Variants in ABCB10 observed in about 807,000 individuals in gnomAD.
The protein encoded by ABCB10 is ATP-binding cassette sub-family B member 10, mitochondrial.
Under a neutral mutation model 65.4 loss-of-function variants are expected in ABCB10, and 54 were observed. The ratio of observed to expected loss-of-function variants is 0.83; its 90% CI spans 0.66 to 1.04. The LOEUF (loss-of-function observed/expected upper bound fraction) is 1.04. ABCB10 is among the 50% of genes least tolerant of loss of function. The pLI is 0.00. For synonymous variants in ABCB10, 418 were observed against 406.5 expected, an observed-to-expected ratio of 1.03 and a Z score of -0.34; for missense variants, 846 against 976.6, an observed-to-expected ratio of 0.87 and a Z score of 1.78.
intron 7 of ABCB10, 92 bp from the exon 8 acceptor site, chr1:229,530,500 G>A (rs1662558090): frequency 1.5e-6 from 2 of 1,332,036 alleles, no homozygotes; most frequent in African/African-American, 1.4e-5. Flanking sequence ...CTATGGATGG[G>A]TGACTCCACC....
intron 6 of ABCB10, among the ~76,000 whole-genome samples, chr1:229,534,827 G>A (rs571556879): frequency 7.2e-4 from 99 of 136,968 alleles, no homozygotes; most frequent in African/African-American, 1.0e-3. Context: ...AGCCAAGACC[G>A]CGCCACTGCA....
At chr1:229,555,627 T>C (rs1256065436) in intron 1 of ABCB10, among the ~76,000 whole-genome samples, 1 of 152,234 alleles carries the variant, frequency 6.6e-6, no homozygotes, top group East Asian at 1.9e-4. Flanking sequence ...TATTAAAATA[T>C]AAAGCTGCAT....
At chr1:229,531,958 T>G (rs1354064567) in intron 6 of ABCB10, 7 of 379,418 alleles carry the variant, frequency 1.8e-5, no homozygotes, top group South Asian at 9.2e-5. Context: ...TTTTTTTTTT[T>G]TTTTTTTTTT....
intron 8 of ABCB10, among the ~76,000 whole-genome samples, chr1:229,528,005 A>G (rs951340977): frequency 6.6e-6 from 1 of 152,248 alleles, no homozygotes; most frequent in African/African-American, 2.4e-5. Context: ...ATCAGACGCT[A>G]TCTTTATGAC....
intron 10 of ABCB10, 37 bp from the exon 11 acceptor site, chr1:229,521,672 C>T: frequency 6.2e-7 from 1 of 1,607,156 alleles, no homozygotes; most frequent in Non-Finnish European, 8.5e-7. Context: ...AAGGCCTCAA[C>T]AAAAAATCTT....
intron 11 of ABCB10, among the ~76,000 whole-genome samples, chr1:229,520,360 C>T (rs548014942): frequency 6.6e-6 from 1 of 151,624 alleles, no homozygotes; most frequent in Non-Finnish European, 1.5e-5. Flanking sequence ...ATCCCAGCTA[C>T]TTGGGAGGCT....
intron 8 of ABCB10, 26 bp downstream of exon 8, chr1:229,530,173 G>C: frequency 6.2e-7 from 1 of 1,611,172 alleles, no homozygotes; most frequent in Non-Finnish European, 8.5e-7. Flanking sequence ...GAGTCCCTCG[G>C]TGCTACAGTG....
intron 1 of ABCB10, among the ~76,000 whole-genome samples, chr1:229,557,413 TAGA>T (rs1349540696): frequency 5.3e-5 from 8 of 152,216 alleles, no homozygotes; most frequent in African/African-American, 1.9e-4. Flanking sequence ...CAGATGTTTA[TAGA>T]AGGAGTGAAG....
rs375446207 is a variant in ABCB10 at position 229,525,921 on chromosome 1, A to T, written c.1906+15T>A. 8.8e-6 allele frequency: 14 copies of T among 1,597,544 alleles called. No individual in the cohort carries two copies. Among genetic ancestry groups the T allele is most frequent in the Non-Finnish European group, 1.2e-5 (14 of 1,172,852 alleles). ...GGATATAGAGACTTTGCTACAAAGCAGTAAAGAAATGCACCTGAGAGGAGA... is the reference window on the plus strand; with the variant it reads ...GGATATAGAGACTTTGCTACAAAGCTGTAAAGAAATGCACCTGAGAGGAGA... On this transcript the variant is annotated intron_variant, in intron 10 of 12. Transcript: ENST00000344517.
At chr1:229,520,622 T>C (rs151108758) in intron 11 of ABCB10, among the ~76,000 whole-genome samples, 382 of 152,134 alleles carry the variant, frequency 2.5e-3, no homozygotes, top group African/African-American at 9.0e-3. Flanking sequence ...CTTTATATAT[T>C]ATTCACAATA....
At position 229,557,401 on chromosome 1, in the gene ABCB10, A is replaced by C. The variant is rs182334256; in HGVS notation, c.517+735T>G. On this transcript the variant is annotated intron_variant, in intron 1 of 12. Coordinates refer to ENST00000344517, the MANE Select transcript of ABCB10 (RefSeq NM_012089.3). ...AGGGCCCAGTCCAGAATGAGGGCTC[A>C]ACAGATGTTTATAGAAGGAGTGAAG... Among the ~76,000 whole-genome samples, 608 of 152,350 alleles carry C rather than the reference A, an allele frequency of 4.0e-3. 3 individuals carry two copies. The highest frequency in any genetic ancestry group is 6.4e-3 in the Non-Finnish European group (433 of 68,024).
At chr1:229,541,049 T>C (rs1329175485) in intron 4 of ABCB10, among the ~76,000 whole-genome samples, 1 of 152,104 alleles carries the variant, frequency 6.6e-6, no homozygotes, top group Non-Finnish European at 1.5e-5. Context: ...AACAGGAGTA[T>C]ATGTAGATGC....
chr1:229,547,438 A>G (rs565429653), intron 3 of ABCB10, 61 bp downstream of exon 3: 1 of 1,580,408 alleles, frequency 6.3e-7, no homozygotes, highest in African/African-American at 1.4e-5. Context: ...CTCACACGTG[A>G]GAGGCCTGGT....
chr1:229,536,194 AAAAG>A (rs953962490), intron 6 of ABCB10, among the ~76,000 whole-genome samples: 7 of 152,150 alleles, frequency 4.6e-5, no homozygotes, highest in Admixed American at 1.3e-4. Context: ...AGTGAGGGAA[AAAAG>A]AAAGAAGAAA....
chr1:229,549,312 G>A lies in ABCB10; in HGVS notation c.640C>T (p.Leu214Phe), dbSNP rs1663047994. 6.2e-7 allele frequency: 1 copy of A among 1,613,984 alleles called. No individual in the cohort carries two copies. The highest frequency in any genetic ancestry group is 1.3e-5 in the African/African-American group (1 of 74,906). Residue 214 changes from leucine (L) to phenylalanine (F), a missense_variant, in exon 2 of 13, where the codon CTC (leucine) becomes TTC (phenylalanine). Leu to Phe is a conservative substitution (Grantham distance 22). Around this residue, in one of 2 missense-constraint regions of ABCB10, gnomAD observed 632 missense variants for 803.2 expected, o/e 0.79. Transcript: ENST00000344517. ...TVDYSDNLTR[L>F]CLGLSAVFLC... ...AACACGGCACTGAGCCCTAGGCAGA[G>A]GCGGGTCAGGTTGTCGCTGTAGTCC...
At position 229,527,252 on chromosome 1, in the gene ABCB10, A is replaced by T. The variant is rs1473046628; in HGVS notation, c.1702T>A (p.Ser568Thr). ...IRQLNPVWLR[S>T]KIGTVSQEPI... ...ACCTGACTCACTGTCCCAATTTTGGATCTCAGCCACACTGGGTTTAGCTGA... is the reference window on the plus strand; with the variant it reads ...ACCTGACTCACTGTCCCAATTTTGGTTCTCAGCCACACTGGGTTTAGCTGA... Residue 568 changes from serine to threonine, a missense_variant, in exon 9 of 13, where the codon TCC (serine) becomes ACC (threonine). Coordinates refer to ENST00000344517, the MANE Select transcript of ABCB10 (RefSeq NM_012089.3). The T allele has an allele frequency of 2.5e-6, 4 of 1,613,874 alleles. No individual in the cohort carries two copies. The highest frequency in any genetic ancestry group is 8.5e-7 in the Non-Finnish European group (1 of 1,179,838).
chr1:229,543,505 T>C (rs1466149818), intron 3 of ABCB10, among the ~76,000 whole-genome samples: 2 of 152,184 alleles, frequency 1.3e-5, no homozygotes, highest in African/African-American at 4.8e-5. Context: ...CATAAGTGGA[T>C]GGATCAACCA....
Position 229,558,485 on chromosome 1 carries a change from GGGCCCCGCGCCCCATAGCCGCGCC to G in ABCB10, c.144_167del (p.Arg50_Ala57del). On this transcript the variant is annotated inframe_deletion, in exon 1 of 13. Coordinates refer to ENST00000344517, the MANE Select transcript of ABCB10 (RefSeq NM_012089.3). ...CGGCTCCAACGCCCCAGAGCAGCGC[GGGCCCCGCGCCCCATAGCCGCGCC>G]GGCCTCAGGCCAGTGAACGGCGATA... 2 of 1,297,270 alleles carry G rather than the reference GGGCCCCGCGCCCCATAGCCGCGCC, an allele frequency of 1.5e-6. No homozygotes were observed. Among genetic ancestry groups the G allele is most frequent in the Non-Finnish European group, 2.0e-6 (2 of 1,022,318 alleles). 80.4% of individuals were successfully genotyped at this position (1,297,270 alleles called of 1,614,324 possible). A position where few individuals can be genotyped will look rare whatever the true frequency, so the allele number is the denominator to read the frequency against.
At chr1:229,538,210 C>T (rs1464708401) in intron 6 of ABCB10, among the ~76,000 whole-genome samples, 2 of 152,146 alleles carry the variant, frequency 1.3e-5, no homozygotes, top group African/African-American at 2.4e-5. Context: ...TGAATTTGTC[C>T]GTTGTGAACA....
Sources: allele counts gnomAD v4.1 joint callset (sites outside exome capture counted in the v4.1 genomes callset), GRCh38; gene constraint gnomAD v4.1.1; regional missense constraint gnomAD v4.1.1; transcripts MANE v1.5; gene names NCBI Gene and HGNC (gene_info 2026-07-23, HGNC 2026-07-21).